The following TMEM150C variants were observed in gnomAD, a reference collection of about 807,000 sequenced individuals.
The protein encoded by TMEM150C is transmembrane protein 150C, also known as tentonin 3.
Under a neutral mutation model 29.9 loss-of-function variants are expected in TMEM150C, and 10 were observed. The observed-to-expected ratio is 0.33, with a 90% CI of 0.21 to 0.57. The LOEUF is 0.57. TMEM150C is among the 20% of genes least tolerant of loss of function. The pLI is 0.88. For synonymous variants in TMEM150C, 101 were observed against 112.5 expected (o/e 0.90, Z 0.64); for missense variants, 251 against 303.6 (o/e 0.83, Z 1.29).
chr4:82,495,136 C>G lies in TMEM150C; in HGVS notation c.363+932G>C. 1.1e-5 allele frequency: 6 copies of G among 569,368 alleles called. 1 individual carries two copies. The South Asian group carries it at 1.4e-4, about 13-fold the overall frequency. The allele number at this position is 569,368 out of a possible 1,614,324, so 35.3% of individuals were successfully genotyped here. A position where few individuals can be genotyped will look rare whatever the true frequency, so the allele number is the denominator to read the frequency against. ...CTTACAACATACTGGCAGACATCAT[C>G]TTCTTTAGAGACACTGAAAAGTTTG... is the stretch of plus-strand genomic sequence containing the variant. On this transcript the variant is annotated intron_variant, in intron 6 of 7. Coordinates refer to ENST00000449862, the MANE Select transcript of TMEM150C (RefSeq NM_001080506.3).
At chr4:82,490,838 G>A (rs113419104) in intron 6 of TMEM150C, 24 of 634,392 alleles carry the variant, frequency 3.8e-5, no homozygotes, top group African/African-American at 2.5e-4. Context: ...CCAGCTTGGT[G>A]GCAAGTTCTT....
chr4:82,490,007 A>T, intron 7 of TMEM150C, 54 bp downstream of exon 7: 1 of 1,553,674 alleles, frequency 6.4e-7, no homozygotes, highest in Non-Finnish European at 8.8e-7. Context: ...TACAGAGACA[A>T]CTTACTTGTT....
chr4:82,501,188 T>C (rs892963981), intron 5 of TMEM150C, among the ~76,000 whole-genome samples: 6 of 152,214 alleles, frequency 3.9e-5, no homozygotes, highest in African/African-American at 1.2e-4. Context: ...AGAAGAATGG[T>C]GTCAAGAGTA....
intron 1 of TMEM150C, among the ~76,000 whole-genome samples, chr4:82,505,274 T>C (rs1352233682): frequency 6.6e-6 from 1 of 152,206 alleles, no homozygotes; most frequent in Non-Finnish European, 1.5e-5. Context: ...CTTGAACTCC[T>C]GGCCCAAAGT....
chr4:82,514,184 G>A (rs1724218235), intron 1 of TMEM150C, among the ~76,000 whole-genome samples: 2 of 152,234 alleles, frequency 1.3e-5, no homozygotes, highest in South Asian at 2.1e-4. Context: ...CAGAACCAGA[G>A]TCTAGTCAGG....
At chr4:82,561,460 C>T (rs115079930) in intron 1 of TMEM150C, among the ~76,000 whole-genome samples, 2,397 of 152,054 alleles carry the variant, frequency 0.016, 59 homozygotes, top group African/African-American at 0.054. Context: ...GCACAGGGAC[C>T]GGGAGGTCAA....
chr4:82,496,857 A>T (rs758056955), intron 5 of TMEM150C, among the ~76,000 whole-genome samples: 2 of 152,224 alleles, frequency 1.3e-5, no homozygotes, highest in Non-Finnish European at 2.9e-5. Context: ...TCACTGTCAA[A>T]CAACAAAGAT....
At chr4:82,499,332 G>T (rs1000346980) in intron 5 of TMEM150C, among the ~76,000 whole-genome samples, 3 of 152,150 alleles carry the variant, frequency 2.0e-5, no homozygotes, top group Non-Finnish European at 4.4e-5. Context: ...TTTCAGAAAA[G>T]ATTTTAAAAA....
At chr4:82,534,308 C>T (rs899997102) in intron 1 of TMEM150C, among the ~76,000 whole-genome samples, 1 of 152,156 alleles carries the variant, frequency 6.6e-6, no homozygotes, top group African/African-American at 2.4e-5. Context: ...CCAAGCCCCT[C>T]ACCTCACCCC....
intron 2 of TMEM150C, 36 bp from the exon 3 acceptor site, chr4:82,503,148 T>A: frequency 6.9e-7 from 1 of 1,458,920 alleles, no homozygotes; most frequent in Non-Finnish European, 9.4e-7. Flanking sequence ...AACAAAGAAA[T>A]TGGAAAAAAG....
intron 1 of TMEM150C, among the ~76,000 whole-genome samples, chr4:82,519,730 A>T (rs1724423132): frequency 6.6e-6 from 1 of 152,168 alleles, no homozygotes; most frequent in Admixed American, 6.5e-5. Context: ...CCTGGCCACG[A>T]TGTTTTTTCT....
chr4:82,523,327 T>A (rs1229942003), intron 1 of TMEM150C, among the ~76,000 whole-genome samples: 2 of 152,122 alleles, frequency 1.3e-5, no homozygotes, highest in African/African-American at 4.8e-5. Flanking sequence ...CGGTGTTTGA[T>A]TTGCATAGGG....
intron 1 of TMEM150C, among the ~76,000 whole-genome samples, chr4:82,528,509 T>C (rs1053305155): frequency 2.0e-5 from 3 of 152,100 alleles, no homozygotes; most frequent in Admixed American, 6.5e-5. Flanking sequence ...AATGGAGATA[T>C]GCATAAAAAT....
chr4:82,554,935 G>C (rs1268674304), intron 1 of TMEM150C, among the ~76,000 whole-genome samples: 3 of 152,070 alleles, frequency 2.0e-5, no homozygotes, highest in Non-Finnish European at 4.4e-5. Context: ...AATCTGAATA[G>C]CTTTAGAATT....
At position 82,504,569 on chromosome 4, in the gene TMEM150C, A is replaced by T. The variant is rs780792534; in HGVS notation, c.80+9T>A. On this transcript the variant is annotated intron_variant, in intron 2 of 7. Transcript: ENST00000449862. ...GAATCCTTAAATAATTAAATGAGCA[A>T]ATACTCACACTATCCACAATCCAGC... 116 of 1,607,644 alleles carry T rather than the reference A, an allele frequency of 7.2e-5. No individual in the cohort carries two copies. The highest frequency in any genetic ancestry group is 9.0e-5 in the Non-Finnish European group (106 of 1,174,874).
At chr4:82,539,521 C>G (rs985799150) in intron 1 of TMEM150C, among the ~76,000 whole-genome samples, 8 of 151,738 alleles carry the variant, frequency 5.3e-5, no homozygotes, top group Admixed American at 2.6e-4. Flanking sequence ...GGCACGATCT[C>G]GGCTCACTGC....
chr4:82,491,895 G>A (rs72913662), intron 6 of TMEM150C, among the ~76,000 whole-genome samples: 8 of 150,918 alleles, frequency 5.3e-5, no homozygotes, highest in African/African-American at 1.2e-4. Flanking sequence ...TGTTCTTCAC[G>A]CTTGCAAAAC....
At position 82,488,089 on chromosome 4, in the gene TMEM150C, C is replaced by T. The variant is rs185086965; in HGVS notation, c.541+1972G>A. Among the ~76,000 whole-genome samples, 6 of 152,304 alleles carry T rather than the reference C, an allele frequency of 3.9e-5. No homozygotes were observed. The East Asian group carries it at 1.2e-3, about 29-fold the overall frequency. On this transcript the variant is annotated intron_variant, in intron 7 of 7. Coordinates refer to ENST00000449862, the MANE Select transcript of TMEM150C (RefSeq NM_001080506.3). Reference sequence around the variant, plus strand: ...TTGTAGTCTTTTATCCCTCATCCCCCTCCCATCCTTTCCCCTGAGTCCCCA... The same window carrying T: ...TTGTAGTCTTTTATCCCTCATCCCCTTCCCATCCTTTCCCCTGAGTCCCCA...
chr4:82,491,243 G>A (rs1172080845), intron 6 of TMEM150C: 4 of 677,952 alleles, frequency 5.9e-6, no homozygotes, highest in East Asian at 2.7e-5. Context: ...TAGTGGGGAC[G>A]TCCTCTTTGC....
Sources: gnomAD v4.1 joint callset for allele counts (sites outside exome capture counted in the v4.1 genomes callset) on GRCh38, gnomAD v4.1.1 for gene constraint, MANE v1.5 for transcripts, NCBI Gene and HGNC (gene_info 2026-07-23, HGNC 2026-07-21) for gene names.